Variants in KIAA1328 observed in about 807,000 individuals in gnomAD.
KIAA1328 encodes the protein protein hinderin.
Under a neutral mutation model 68.1 loss-of-function variants are expected in KIAA1328, and 52 were observed. The observed-to-expected ratio is 0.76, with a 90% CI of 0.61 to 0.96. KIAA1328 has a LOEUF of 0.96. KIAA1328 is among the 40% of genes least tolerant of loss of function. The pLI, the probability that KIAA1328 is intolerant of heterozygous loss-of-function variation, is 0.00. For synonymous variants in KIAA1328, 232 were observed against 239.4 expected (o/e 0.97, Z 0.28); for missense variants, 641 against 677.6 (o/e 0.95, Z 0.60).
chr18:37,041,646 G>T (rs1460271331), intron 6 of KIAA1328, among the ~76,000 whole-genome samples: 1 of 9,300 alleles, frequency 1.1e-4, no homozygotes, highest in Non-Finnish European at 6.7e-4. Context: ...GTGTTTGTGT[G>T]TGTGTGTGTG....
chr18:36,895,424 GT>G (rs2048837844), intron 5 of KIAA1328, among the ~76,000 whole-genome samples: 1 of 152,194 alleles, frequency 6.6e-6, no homozygotes, highest in Non-Finnish European at 1.5e-5. Flanking sequence ...GTGAAGGGAT[GT>G]TTTGGGATTT....
intron 5 of KIAA1328, among the ~76,000 whole-genome samples, chr18:36,900,667 T>G (rs1047892413): frequency 6.6e-6 from 1 of 152,058 alleles, no homozygotes; most frequent in East Asian, 1.9e-4. Context: ...TTCATATAAT[T>G]ATTGAACATA....
chr18:37,065,948 G>C (rs988699420), intron 6 of KIAA1328, among the ~76,000 whole-genome samples: 1 of 152,202 alleles, frequency 6.6e-6, no homozygotes, highest in Non-Finnish European at 1.5e-5. Context: ...CAGTAAGGCA[G>C]ATGGAGGTGT....
chr18:37,025,730 A>G (rs2054546377), intron 6 of KIAA1328, among the ~76,000 whole-genome samples: 2 of 152,342 alleles, frequency 1.3e-5, no homozygotes, highest in Admixed American at 6.5e-5. Context: ...AGCAGTGTGT[A>G]GAGGGAAATT....
chr18:36,965,264 ACTT>A (rs1303006744), intron 6 of KIAA1328, among the ~76,000 whole-genome samples: 1 of 151,820 alleles, frequency 6.6e-6, no homozygotes, highest in Non-Finnish European at 1.5e-5. Flanking sequence ...TGTTAGAGAA[ACTT>A]CTTTATTTTC....
chr18:36,846,247 A>G (rs2047023889), intron 4 of KIAA1328, among the ~76,000 whole-genome samples: 1 of 151,570 alleles, frequency 6.6e-6, no homozygotes, highest in Non-Finnish European at 1.5e-5. Context: ...TTCCCTCTGA[A>G]TTTTCAATCT....
chr18:36,842,868 C>G (rs2046906670), intron 3 of KIAA1328, among the ~76,000 whole-genome samples: 1 of 151,924 alleles, frequency 6.6e-6, no homozygotes, highest in South Asian at 2.1e-4. Flanking sequence ...CTTTTTCTTT[C>G]TTGTTTTCTC....
intron 7 of KIAA1328, among the ~76,000 whole-genome samples, chr18:37,155,906 C>G (rs1442507855): frequency 6.6e-6 from 1 of 152,102 alleles, no homozygotes; most frequent in Non-Finnish European, 1.5e-5. Context: ...TTTATTTTAC[C>G]TAGAACATTC....
intron 5 of KIAA1328, among the ~76,000 whole-genome samples, chr18:36,915,688 G>A (rs902364392): frequency 1.3e-5 from 2 of 152,172 alleles, no homozygotes; most frequent in Non-Finnish European, 2.9e-5. Flanking sequence ...ATTAAATACT[G>A]TCAGGGATGC....
chr18:37,181,391 C>T (rs2059695649), intron 9 of KIAA1328, among the ~76,000 whole-genome samples: 1 of 151,782 alleles, frequency 6.6e-6, no homozygotes, highest in Non-Finnish European at 1.5e-5. Context: ...CTTGGAATTC[C>T]AGGCCACTGC....
At chr18:37,220,137 A>G (rs1359383625) in intron 9 of KIAA1328, among the ~76,000 whole-genome samples, 5 of 152,202 alleles carry the variant, frequency 3.3e-5, no homozygotes, top group South Asian at 2.1e-4. Flanking sequence ...ATTCTTGGGG[A>G]TCAGATTTTC....
chr18:36,948,698 C>T (rs889806777), intron 5 of KIAA1328, among the ~76,000 whole-genome samples: 5 of 151,986 alleles, frequency 3.3e-5, no homozygotes, highest in Non-Finnish European at 7.4e-5. Context: ...TACAGGCATG[C>T]GCCACCACGC....
chr18:36,857,181 C>T (rs546954590), intron 4 of KIAA1328, among the ~76,000 whole-genome samples: 6 of 152,288 alleles, frequency 3.9e-5, no homozygotes, highest in Non-Finnish European at 4.4e-5. Flanking sequence ...TGGCTATCAG[C>T]ATATGCATTA....
At chr18:36,898,337 G>T (rs973313769) in intron 5 of KIAA1328, among the ~76,000 whole-genome samples, 1 of 151,844 alleles carries the variant, frequency 6.6e-6, no homozygotes, top group Non-Finnish European at 1.5e-5. Context: ...ATTATTTGAG[G>T]AGCATCCCTT....
intron 6 of KIAA1328, among the ~76,000 whole-genome samples, chr18:37,042,625 C>CT (rs1201054967): frequency 6.6e-6 from 1 of 152,080 alleles, no homozygotes; most frequent in Non-Finnish European, 1.5e-5. Context: ...GTAATGTTCT[C>CT]TGTGTGTGAA....
At chr18:36,967,308 G>C (rs754874887) in intron 6 of KIAA1328, among the ~76,000 whole-genome samples, 1 of 152,160 alleles carries the variant, frequency 6.6e-6, no homozygotes, top group Non-Finnish European at 1.5e-5. Flanking sequence ...AGAAAATAAG[G>C]ATTTAAGTCC....
intron 6 of KIAA1328, among the ~76,000 whole-genome samples, chr18:36,967,092 A>G (rs2051971081): frequency 6.6e-6 from 1 of 152,142 alleles, no homozygotes; most frequent in African/African-American, 2.4e-5. Flanking sequence ...AAATGGTTTC[A>G]CTCTTGTGAC....
intron 5 of KIAA1328, among the ~76,000 whole-genome samples, chr18:36,918,465 T>G (rs1362156050): frequency 1.4e-5 from 2 of 147,156 alleles, no homozygotes; most frequent in Non-Finnish European, 3.0e-5. Context: ...CAGGCTAGAG[T>G]GCAGTGGTGC....
At chr18:37,197,872 A>G (rs1430503867) in intron 9 of KIAA1328, among the ~76,000 whole-genome samples, 3 of 152,164 alleles carry the variant, frequency 2.0e-5, no homozygotes, top group Non-Finnish European at 2.9e-5. Context: ...AAATGAAAAT[A>G]GATGTCCATG....
Sources: allele counts gnomAD v4.1 joint callset (sites outside exome capture counted in the v4.1 genomes callset), GRCh38; gene constraint gnomAD v4.1.1; transcripts MANE v1.5; gene names NCBI Gene and HGNC (gene_info 2026-07-23, HGNC 2026-07-21).